The following ZNF385B variants were observed in gnomAD, a reference collection of about 807,000 sequenced individuals.
ZNF385B encodes zinc finger protein 533.
A neutral mutation model predicts 39.2 loss-of-function variants in ZNF385B; 23 were observed. The observed-to-expected ratio is 0.59, with a 90% CI of 0.42 to 0.83. The LOEUF is 0.83. ZNF385B is among the 40% of genes least tolerant of loss of function. The probability of loss-of-function intolerance (pLI) is 0.00; values close to 1 mark genes in which losing one functional copy is unlikely to be tolerated. For synonymous variants in ZNF385B, 205 were observed against 222.6 expected, an observed-to-expected ratio of 0.92 and a Z score of 0.70; for missense variants, 552 against 598.9, an observed-to-expected ratio of 0.92 and a Z score of 0.82.
intron 4 of ZNF385B, among the ~76,000 whole-genome samples, chr2:179,533,446 T>C (rs924517827): frequency 6.6e-6 from 1 of 152,228 alleles, no homozygotes; most frequent in Admixed American, 6.5e-5. Flanking sequence ...TTTATGCATA[T>C]GTACATACCC....
chr2:179,625,220 G>A lies in ZNF385B; in HGVS notation c.299-80251C>T, dbSNP rs569564423. Among the ~76,000 whole-genome samples the A allele has an allele frequency of 4.6e-5, 7 of 152,192 alleles. No homozygotes were observed. The South Asian group carries it at 1.5e-3, about 32-fold the overall frequency. On this transcript the variant is annotated intron_variant, in intron 3 of 9. Coordinates refer to ENST00000410066, the MANE Select transcript of ZNF385B (RefSeq NM_152520.6). Reference sequence around the variant, plus strand: ...GAAAATCTTTGTTTTCCCTGAGAGTGTCTCTCTTTTTCTTTAATAAGAATT... The same window carrying A: ...GAAAATCTTTGTTTTCCCTGAGAGTATCTCTCTTTTTCTTTAATAAGAATT...
rs980260170 is a variant in ZNF385B at position 179,734,995 on chromosome 2, C to G, written c.298+34508G>C. ...GGCAAGGACTTCATGTCTAAAACAC[C>G]AAAAGCAATGGCAACAAAAGCCAAA... On this transcript the variant is annotated intron_variant, in intron 3 of 9. Transcript: ENST00000410066. Among the ~76,000 whole-genome samples the G allele has an allele frequency of 4.0e-5, 6 of 151,720 alleles. No homozygotes were observed. The East Asian group carries it at 7.7e-4, about 20-fold the overall frequency.
At chr2:179,584,197 G>A (rs2106045735) in intron 3 of ZNF385B, 2 of 333,516 alleles carry the variant, frequency 6.0e-6, no homozygotes, top group South Asian at 2.4e-5. Flanking sequence ...TTATAGGGAT[G>A]TAGGCAGCAT....
intron 1 of ZNF385B, among the ~76,000 whole-genome samples, chr2:179,776,502 A>G (rs1704326246): frequency 6.6e-6 from 1 of 152,170 alleles, no homozygotes; most frequent in Non-Finnish European, 1.5e-5. Context: ...CAATTGTTGA[A>G]TTATCCTCTT....
chr2:179,712,299 T>C (rs989648727), intron 3 of ZNF385B, among the ~76,000 whole-genome samples: 1 of 152,190 alleles, frequency 6.6e-6, no homozygotes, highest in Non-Finnish European at 1.5e-5. Context: ...TTCTCTTCAA[T>C]ACTCCCTGGT....
intron 3 of ZNF385B, among the ~76,000 whole-genome samples, chr2:179,762,556 A>G (rs4558554): frequency 0.049 from 7,421 of 152,206 alleles, 258 homozygotes; most frequent in Middle Eastern, 0.099. Context: ...CCACTTAGTT[A>G]TGGTATATAA....
At chr2:179,675,402 T>C (rs1696612664) in intron 3 of ZNF385B, among the ~76,000 whole-genome samples, 1 of 152,194 alleles carries the variant, frequency 6.6e-6, no homozygotes, top group Non-Finnish European at 1.5e-5. Flanking sequence ...TATCCCACAT[T>C]GTTCAAGGGT....
intron 6 of ZNF385B, among the ~76,000 whole-genome samples, chr2:179,471,660 A>T (rs1355611848): frequency 6.6e-6 from 1 of 152,210 alleles, no homozygotes; most frequent in Non-Finnish European, 1.5e-5. Context: ...ACCCACTGAT[A>T]AATCTTATTT....
At chr2:179,551,474 G>A (rs1179365832) in intron 3 of ZNF385B, among the ~76,000 whole-genome samples, 1 of 137,270 alleles carries the variant, frequency 7.3e-6, no homozygotes, top group Non-Finnish European at 1.6e-5. Flanking sequence ...ACCCAACATG[G>A]CACTGGATTT....
chr2:179,510,229 G>GTA (rs2057562706), intron 5 of ZNF385B, among the ~76,000 whole-genome samples: 1 of 152,016 alleles, frequency 6.6e-6, no homozygotes, highest in Non-Finnish European at 1.5e-5. Flanking sequence ...ATACATGTGT[G>GTA]TATATATATG....
intron 6 of ZNF385B, among the ~76,000 whole-genome samples, chr2:179,476,624 G>A (rs754000461): frequency 4.6e-5 from 7 of 152,186 alleles, no homozygotes; most frequent in Non-Finnish European, 8.8e-5. Flanking sequence ...AGTTTCAGAA[G>A]TTAGTTCCCA....
At chr2:179,771,144 A>C (rs1703986295) in intron 1 of ZNF385B, among the ~76,000 whole-genome samples, 3 of 152,154 alleles carry the variant, frequency 2.0e-5, no homozygotes, top group Admixed American at 2.0e-4. Context: ...ATGGCTTGTA[A>C]GGGACTTCTT....
intron 4 of ZNF385B, among the ~76,000 whole-genome samples, chr2:179,526,463 C>T (rs1157661667): frequency 1.3e-5 from 2 of 151,720 alleles, no homozygotes; most frequent in South Asian, 2.1e-4. Flanking sequence ...GGCATGGTGG[C>T]ACATGCCTGC....
intron 3 of ZNF385B, among the ~76,000 whole-genome samples, chr2:179,718,427 A>G (rs1320993586): frequency 1.4e-5 from 2 of 148,036 alleles, no homozygotes; most frequent in African/African-American, 4.9e-5. Context: ...AAAGATATAT[A>G]TATTTCTTCC....
chr2:179,850,395 AC>A, intron 1 of ZNF385B, among the ~76,000 whole-genome samples: 1 of 152,300 alleles, frequency 6.6e-6, no homozygotes, highest in East Asian at 1.9e-4. Flanking sequence ...AGGCAGCCAT[AC>A]CATTACTGGA....
intron 3 of ZNF385B, among the ~76,000 whole-genome samples, chr2:179,727,197 C>A (rs1297102223): frequency 6.6e-6 from 1 of 151,996 alleles, no homozygotes. Flanking sequence ...GATAACCACT[C>A]AATTTTATGA....
intron 3 of ZNF385B, among the ~76,000 whole-genome samples, chr2:179,700,936 C>T (rs530044013): frequency 1.1e-4 from 16 of 152,148 alleles, no homozygotes; most frequent in Admixed American, 5.2e-4. Flanking sequence ...ATCTCTTGAC[C>T]GGGAAGGCGG....
At chr2:179,449,454 A>G (rs529342249) in intron 6 of ZNF385B, among the ~76,000 whole-genome samples, 319 of 152,290 alleles carry the variant, frequency 2.1e-3, no homozygotes, top group Non-Finnish European at 3.8e-3. Context: ...TTATACACCA[A>G]TAACAGACAA....
intron 6 of ZNF385B, among the ~76,000 whole-genome samples, chr2:179,463,464 A>G (rs2051596474): frequency 6.6e-6 from 1 of 151,880 alleles, no homozygotes; most frequent in South Asian, 2.1e-4. Context: ...TCAACTCATC[A>G]CCTACATTAG....
Sources: allele counts gnomAD v4.1 joint callset (sites outside exome capture counted in the v4.1 genomes callset), GRCh38; gene constraint gnomAD v4.1.1; transcripts MANE v1.5; gene names NCBI Gene and HGNC (gene_info 2026-07-23, HGNC 2026-07-21).